The following RREB1 variants were observed in gnomAD, a reference collection of about 807,000 sequenced individuals.
RREB1 encodes ras-responsive element-binding protein 1.
RREB1 carries 27 observed loss-of-function variants against 117.8 expected under a neutral mutation model. The observed-to-expected ratio is 0.23, with a 90% CI of 0.17 to 0.32. RREB1 has a LOEUF of 0.32. RREB1 is among the 10% of genes least tolerant of loss of function. The pLI, the probability that RREB1 is intolerant of heterozygous loss-of-function variation, is 1.00. For synonymous variants in RREB1, 1,298 were observed against 1,026.7 expected (o/e 1.26, Z -5.05); for missense variants, 2,577 against 2,378.2 (o/e 1.08, Z -1.74).
intron 6 of RREB1, among the ~76,000 whole-genome samples, chr6:7,201,001 G>A (rs1765942683): frequency 2.6e-5 from 4 of 152,220 alleles, no homozygotes; most frequent in Non-Finnish European, 5.9e-5. Context: ...ACTGGTGGAT[G>A]GCAGCAGAAT....
chr6:7,165,769 C>T (rs977234694), intron 1 of RREB1, among the ~76,000 whole-genome samples: 1 of 151,980 alleles, frequency 6.6e-6, no homozygotes. Context: ...GGTGTTGACC[C>T]AATTATTGCC....
chr6:7,178,833 T>C (rs145967442), intron 2 of RREB1, among the ~76,000 whole-genome samples: 2 of 152,344 alleles, frequency 1.3e-5, no homozygotes, highest in African/African-American at 4.8e-5. Context: ...TGTCACACTT[T>C]ATACTTTATC....
At chr6:7,205,259 G>T (rs918128100) in intron 6 of RREB1, among the ~76,000 whole-genome samples, 28 of 152,208 alleles carry the variant, frequency 1.8e-4, no homozygotes, top group Non-Finnish European at 3.4e-4. Context: ...GGACTCGGGG[G>T]TTTTTATTTG....
chr6:7,222,093 T>C (rs1394562459), intron 8 of RREB1, among the ~76,000 whole-genome samples: 1 of 152,168 alleles, frequency 6.6e-6, no homozygotes, highest in Non-Finnish European at 1.5e-5. Flanking sequence ...GAGTAAAGTA[T>C]TGGTAATTTC....
intron 9 of RREB1, among the ~76,000 whole-genome samples, chr6:7,228,468 G>A (rs1249903707): frequency 1.4e-5 from 2 of 146,394 alleles, no homozygotes; most frequent in African/African-American, 5.0e-5. Flanking sequence ...ATTCAGTCCA[G>A]TGTGTTAGCA....
chr6:7,221,270 G>A (rs1453698615), intron 8 of RREB1, among the ~76,000 whole-genome samples: 2 of 151,928 alleles, frequency 1.3e-5, no homozygotes, highest in South Asian at 2.1e-4. Flanking sequence ...CCGGGTTCAC[G>A]CCATTCTCCT....
intron 9 of RREB1, 109 bp downstream of exon 9, chr6:7,226,765 G>A (rs1767611201): frequency 1.1e-6 from 1 of 871,122 alleles, no homozygotes; most frequent in Non-Finnish European, 1.8e-6. Flanking sequence ...AATGTCGGTT[G>A]GGCTTTGTCT....
chr6:7,247,098 C>G lies in RREB1; in HGVS notation c.4648C>G (p.Pro1550Ala). 6.2e-7 allele frequency: 1 copy of G among 1,613,844 alleles called. No homozygotes were observed. Among genetic ancestry groups the G allele is most frequent in the Non-Finnish European group, 8.5e-7 (1 of 1,179,968 alleles). ...SSEKSDDDKK[P>A]KTDSPKSVAS... is the part of the protein sequence containing the mutation. ...AGAGAAGAGCGACGATGACAAGAAACCAAAGACAGACTCCCCCAAAAGCGT... is the reference window on the plus strand; with the variant it reads ...AGAGAAGAGCGACGATGACAAGAAAGCAAAGACAGACTCCCCCAAAAGCGT... The change falls in exon 12 of 13, where the codon CCA becomes GCA. Residue 1550 changes from proline to alanine, a missense_variant. Pro to Ala is a conservative substitution (Grantham distance 27). Coordinates refer to ENST00000379938, the MANE Select transcript of RREB1 (RefSeq NM_001003699.4).
At chr6:7,111,853 A>G (rs145413422) in intron 1 of RREB1, among the ~76,000 whole-genome samples, 100 of 152,294 alleles carry the variant, frequency 6.6e-4, no homozygotes, top group Admixed American at 1.5e-3. Flanking sequence ...TATTTCTAGT[A>G]TTAATAACTG....
chr6:7,123,451 C>T (rs551917214), intron 1 of RREB1, among the ~76,000 whole-genome samples: 61 of 152,282 alleles, frequency 4.0e-4, no homozygotes, highest in African/African-American at 1.4e-3. Flanking sequence ...CGTGAGCCAC[C>T]ACGCCTGGCC....
chr6:7,145,383 ATCACCAGGAATTT>A (rs763516760), intron 1 of RREB1, among the ~76,000 whole-genome samples: 7 of 152,214 alleles, frequency 4.6e-5, no homozygotes, highest in Admixed American at 2.6e-4. Flanking sequence ...CAACTGAAAC[ATCACCAGGAATTT>A]TCACCAGGTA....
intron 9 of RREB1, among the ~76,000 whole-genome samples, chr6:7,228,138 T>G (rs1767693674): frequency 1.3e-5 from 2 of 152,172 alleles, no homozygotes; most frequent in Non-Finnish European, 2.9e-5. Context: ...TCAACAGTGT[T>G]GTTGTTCAAG....
chr6:7,225,977 A>C (rs1561791441), intron 8 of RREB1, among the ~76,000 whole-genome samples: 1 of 152,210 alleles, frequency 6.6e-6, no homozygotes, highest in East Asian at 1.9e-4. Context: ...AGATTGGAAA[A>C]TTTAATAATT....
At chr6:7,184,882 A>G (rs573923278) in intron 4 of RREB1, 1 of 151,896 alleles carries the variant, frequency 6.6e-6, no homozygotes, top group South Asian at 2.1e-4. Context: ...AACTTTAAAA[A>G]TTTTGTGTAT....
chr6:7,195,786 A>C (rs546395430), intron 6 of RREB1, among the ~76,000 whole-genome samples: 1 of 152,230 alleles, frequency 6.6e-6, no homozygotes, highest in Admixed American at 6.5e-5. Context: ...CAGGACACCC[A>C]CACCCAGGTG....
intron 12 of RREB1, 85 bp from the exon 13 acceptor site, chr6:7,248,426 G>C (rs537314300): frequency 8.4e-7 from 1 of 1,196,940 alleles, no homozygotes. Context: ...CATAGCCTGG[G>C]AGCCTCATTC....
At chr6:7,185,826 AG>A (rs1765053820) in intron 4 of RREB1, among the ~76,000 whole-genome samples, 1 of 152,200 alleles carries the variant, frequency 6.6e-6, no homozygotes, top group Non-Finnish European at 1.5e-5. Context: ...ATAGTGGCTT[AG>A]GGCATGGGCT....
chr6:7,227,552 A>T lies in RREB1; in HGVS notation c.897+896A>T, dbSNP rs1042251658. ...CGAGACTCCGTCTAAGAAAAAAAAA[A>T]TTTTTTTTTTAAATAAAATAAAAGT... is the stretch of plus-strand genomic sequence containing the variant. On this transcript the variant is annotated intron_variant, in intron 9 of 12. Transcript: ENST00000379938. 3.3e-5 allele frequency among the ~76,000 whole-genome samples: 5 copies of T among 151,058 alleles called. No homozygotes were observed. The East Asian group carries it at 5.8e-4, about 18-fold the overall frequency.
At chr6:7,163,674 G>A (rs974076829) in intron 1 of RREB1, among the ~76,000 whole-genome samples, 25 of 152,292 alleles carry the variant, frequency 1.6e-4, no homozygotes, top group African/African-American at 4.8e-4. Context: ...GATTACAGGC[G>A]TGAGCCACCG....
Sources: allele counts gnomAD v4.1 joint callset (sites outside exome capture counted in the v4.1 genomes callset), GRCh38; gene constraint gnomAD v4.1.1; transcripts MANE v1.5; gene names NCBI Gene and HGNC (gene_info 2026-07-23, HGNC 2026-07-21).